Variants in BTBD7 observed in about 807,000 individuals in gnomAD.
The protein encoded by BTBD7 is BTB domain containing 7, also known as BTB/POZ domain-containing protein 7.
In BTBD7, 38 loss-of-function variants were observed where a neutral mutation model predicts 99.9. The observed-to-expected ratio is 0.38, with a 90% CI of 0.29 to 0.50. BTBD7 has a LOEUF of 0.50. Among genes scored for constraint, BTBD7 ranks in the 20% least tolerant of loss-of-function variants. BTBD7 has a pLI of 0.93. For missense variants in BTBD7, 1,170 were observed against 1,394.6 expected (o/e 0.84, Z 2.57); for synonymous variants, 520 against 511.4 (o/e 1.02, Z -0.23).
chr14:93,331,884 C>G (rs78706197), intron 1 of BTBD7, among the ~76,000 whole-genome samples: 10 of 146,882 alleles, frequency 6.8e-5, no homozygotes, highest in Admixed American at 4.6e-4. Context: ...CCGTCTCCCC[C>G]CCCCCAAAAA....
chr14:93,317,628 C>G (rs1266994379), intron 1 of BTBD7, among the ~76,000 whole-genome samples: 1 of 151,998 alleles, frequency 6.6e-6, no homozygotes, highest in Non-Finnish European at 1.5e-5. Flanking sequence ...GGTACTATGC[C>G]AAAAAGACAA....
At chr14:93,251,339 A>C (rs75296559) in intron 8 of BTBD7, 124 bp downstream of exon 8, 1 of 1,069,870 alleles carries the variant, frequency 9.3e-7, no homozygotes, top group African/African-American at 1.6e-5. Context: ...TTTAAGGAGA[A>C]CAAGGCATAA....
chr14:93,332,750 C>G, intron 1 of BTBD7, 70 bp downstream of exon 1: 4 of 1,435,266 alleles, frequency 2.8e-6, no homozygotes, highest in East Asian at 3.1e-5. Flanking sequence ...CCCTTCCTCT[C>G]CCGGACGCCC....
chr14:93,261,977 T>C (rs2052493757), intron 4 of BTBD7, among the ~76,000 whole-genome samples: 1 of 152,192 alleles, frequency 6.6e-6, no homozygotes, highest in Non-Finnish European at 1.5e-5. Context: ...TTTTAATTTT[T>C]CCTTTTGAGA....
intron 3 of BTBD7, among the ~76,000 whole-genome samples, chr14:93,281,384 G>A (rs1046185226): frequency 1.3e-5 from 2 of 151,894 alleles, no homozygotes; most frequent in Non-Finnish European, 2.9e-5. Context: ...CCATCCACCC[G>A]CCTCAGCCTC....
chr14:93,264,587 G>T (rs10484033), intron 3 of BTBD7, among the ~76,000 whole-genome samples: 1,689 of 152,234 alleles, frequency 0.011, 40 homozygotes, highest in African/African-American at 0.039. Flanking sequence ...GGCATTTCAA[G>T]AACTCAAGGA....
At chr14:93,299,985 C>G (rs1037489239) in intron 1 of BTBD7, among the ~76,000 whole-genome samples, 5 of 152,202 alleles carry the variant, frequency 3.3e-5, no homozygotes, top group Non-Finnish European at 7.3e-5. Flanking sequence ...ACTTGCATAA[C>G]ACACTCAGGA....
At chr14:93,301,764 C>T (rs1367800276) in intron 1 of BTBD7, among the ~76,000 whole-genome samples, 1 of 152,146 alleles carries the variant, frequency 6.6e-6, no homozygotes, top group African/African-American at 2.4e-5. Context: ...TCACTCCTGT[C>T]AAATCTAAGG....
intron 3 of BTBD7, among the ~76,000 whole-genome samples, chr14:93,278,571 A>G (rs1271776954): frequency 2.0e-5 from 3 of 152,198 alleles, no homozygotes; most frequent in Admixed American, 1.3e-4. Flanking sequence ...TGGAATCACA[A>G]GGACCAGGAT....
intron 1 of BTBD7, among the ~76,000 whole-genome samples, chr14:93,306,694 G>A (rs2053074652): frequency 6.6e-6 from 1 of 152,052 alleles, no homozygotes; most frequent in Admixed American, 6.6e-5. Context: ...TATTTCTTGA[G>A]GCGCAAAGTT....
intron 8 of BTBD7, among the ~76,000 whole-genome samples, chr14:93,250,903 G>A (rs907249321): frequency 1.5e-4 from 23 of 152,176 alleles, no homozygotes; most frequent in African/African-American, 5.3e-4. Flanking sequence ...TAATAGACTA[G>A]GAAGGCCATA....
chr14:93,300,784 ATATT>A (rs1409965045), intron 1 of BTBD7, among the ~76,000 whole-genome samples: 7 of 70,198 alleles, frequency 1.0e-4, no homozygotes, highest in African/African-American at 3.2e-4. Context: ...ATATATATAT[ATATT>A]TTTTTTTTGT....
chr14:93,311,662 AGTTT>A (rs1377232054), intron 1 of BTBD7, among the ~76,000 whole-genome samples: 1 of 152,094 alleles, frequency 6.6e-6, no homozygotes, highest in Non-Finnish European at 1.5e-5. Context: ...CCTACATAAT[AGTTT>A]ATCACAAAAT....
chr14:93,289,121 G>C (rs2052816079), intron 3 of BTBD7, among the ~76,000 whole-genome samples: 1 of 152,194 alleles, frequency 6.6e-6, no homozygotes, highest in African/African-American at 2.4e-5. Flanking sequence ...TGATAGTAAT[G>C]CAAGAACAGA....
chr14:93,311,735 A>G (rs774006100), intron 1 of BTBD7, among the ~76,000 whole-genome samples: 62 of 140,840 alleles, frequency 4.4e-4, no homozygotes, highest in Non-Finnish European at 7.7e-4. Context: ...GATCCATGAA[A>G]ATATTTTTAA....
Position 93,277,049 on chromosome 14 carries a change from G to A in BTBD7, c.1163-13056C>T, listed in dbSNP as rs565413659. On this transcript the variant is annotated intron_variant, in intron 3 of 10. Coordinates refer to ENST00000334746, the MANE Select transcript of BTBD7 (RefSeq NM_001002860.4). ...CCTGAGTAGCTCGGATTACAGGCAC[G>A]CACCACCACACCCAGAAAATTTTTG... Among the ~76,000 whole-genome samples the A allele has an allele frequency of 2.4e-3, 367 of 151,568 alleles. 1 individual carries two copies. The highest frequency in any genetic ancestry group is 8.5e-3 in the African/African-American group (353 of 41,308).
rs1360501627 is a variant in BTBD7, at chr14:93,242,652, C to T, written c.3020G>A (p.Arg1007Lys). 5 of 1,613,824 alleles carry T rather than the reference C, an allele frequency of 3.1e-6. No homozygotes were observed. Among genetic ancestry groups the T allele is most frequent in the Non-Finnish European group, 4.2e-6 (5 of 1,179,990 alleles). Residue 1007 changes from arginine to lysine, a missense_variant, in exon 11 of 11, where the codon AGA (arginine) becomes AAA (lysine). Coordinates refer to ENST00000334746, the MANE Select transcript of BTBD7 (RefSeq NM_001002860.4). ...CCCGTCAGGGGAAAGTGGATATTCT[C>T]TCCTAGCTTCTTCCTGTTTTTTAGG... is the stretch of plus-strand genomic sequence containing the variant. ...TSPKKQEEAR[R>K]EYPLSPDGHL... is the part of the protein sequence containing the mutation.
At position 93,293,903 on chromosome 14, in the gene BTBD7, G is replaced by A; in HGVS notation, c.1117C>T (p.Leu373Phe). ...TCCAAGAACAGTGCTATGTGGTAAAGTTCCATGGCTTCTTCTGCCCTGGTC... is the reference window on the plus strand; with the variant it reads ...TCCAAGAACAGTGCTATGTGGTAAAATTCCATGGCTTCTTCTGCCCTGGTC... ...NMTRAEEAME[L>F]YHIALFLEFN... Residue 373 changes from leucine to phenylalanine, a missense_variant, in exon 3 of 11, where the codon CTT (leucine) becomes TTT (phenylalanine). Leu to Phe is a conservative substitution (Grantham distance 22). Transcript: ENST00000334746. 1 of 1,613,792 alleles carries A rather than the reference G, an allele frequency of 6.2e-7. No homozygotes were observed. The highest frequency in any genetic ancestry group is 1.7e-4 in the Middle Eastern group (1 of 5,956).
At chr14:93,290,223 T>TC (rs1469235383) in intron 3 of BTBD7, among the ~76,000 whole-genome samples, 1 of 151,888 alleles carries the variant, frequency 6.6e-6, no homozygotes, top group East Asian at 1.9e-4. Context: ...TAATTTTTTT[T>TC]TTTTTTTGAG....
Sources: gnomAD v4.1 joint callset for allele counts (sites outside exome capture counted in the v4.1 genomes callset) on GRCh38, gnomAD v4.1.1 for gene constraint, MANE v1.5 for transcripts, NCBI Gene and HGNC (gene_info 2026-07-23, HGNC 2026-07-21) for gene names.